The following EXOC4 variants were observed in gnomAD, a reference collection of about 807,000 sequenced individuals.
The protein encoded by EXOC4 is SEC8-like 1.
In EXOC4, 71 loss-of-function variants were observed where a neutral mutation model predicts 107.2. The observed-to-expected ratio is 0.66, with a 90% CI of 0.55 to 0.81. The LOEUF is 0.81. Among genes scored for constraint, EXOC4 ranks in the 30% least tolerant of loss-of-function variants. The pLI, the probability that EXOC4 is intolerant of heterozygous loss-of-function variation, is 0.00. For missense variants in EXOC4, 1,108 were observed against 1,189.6 expected (o/e 0.93, Z 1.01); for synonymous variants, 456 against 441.2 (o/e 1.03, Z -0.42).
intron 10 of EXOC4, among the ~76,000 whole-genome samples, chr7:133,682,084 G>A (rs1794199982): frequency 6.6e-6 from 1 of 152,008 alleles, no homozygotes. Flanking sequence ...TTTTTTAAGA[G>A]ATGGGATCTT....
At chr7:133,402,166 T>G (rs1166856443) in intron 7 of EXOC4, among the ~76,000 whole-genome samples, 2 of 152,174 alleles carry the variant, frequency 1.3e-5, no homozygotes, top group East Asian at 1.9e-4. Context: ...AAGGACAAAC[T>G]GTAGTTATAT....
intron 10 of EXOC4, among the ~76,000 whole-genome samples, chr7:133,653,062 A>C (rs1418311279): frequency 6.6e-6 from 1 of 152,190 alleles, no homozygotes; most frequent in African/African-American, 2.4e-5. Flanking sequence ...GGTAAATAGT[A>C]ACTGAGATTG....
At chr7:133,546,904 G>A (rs190468383) in intron 9 of EXOC4, among the ~76,000 whole-genome samples, 2 of 152,014 alleles carry the variant, frequency 1.3e-5, no homozygotes, top group African/African-American at 2.4e-5. Context: ...GCATAAATTT[G>A]ATATGCATTT....
At chr7:133,434,342 A>C (rs1255955249) in intron 7 of EXOC4, among the ~76,000 whole-genome samples, 1 of 152,204 alleles carries the variant, frequency 6.6e-6, no homozygotes, top group Non-Finnish European at 1.5e-5. Flanking sequence ...CCCATTCTTC[A>C]AAAGAGAATA....
chr7:133,360,787 C>A (rs1796118865), intron 6 of EXOC4, among the ~76,000 whole-genome samples: 2 of 152,104 alleles, frequency 1.3e-5, no homozygotes, highest in African/African-American at 4.8e-5. Flanking sequence ...TAAATTATTA[C>A]TCAGGTTATT....
chr7:133,578,716 T>C (rs1801187053), intron 9 of EXOC4, among the ~76,000 whole-genome samples: 1 of 152,206 alleles, frequency 6.6e-6, no homozygotes, highest in African/African-American at 2.4e-5. Flanking sequence ...TAATGTTCTT[T>C]GCAGTGTTAC....
At chr7:133,599,842 C>T (rs1298340296) in intron 9 of EXOC4, among the ~76,000 whole-genome samples, 1 of 150,756 alleles carries the variant, frequency 6.6e-6, no homozygotes, top group Non-Finnish European at 1.5e-5. Context: ...CAAAATATCA[C>T]ACTACATGTT....
chr7:133,756,254 T>C (rs1462446576), intron 10 of EXOC4, among the ~76,000 whole-genome samples: 2 of 152,188 alleles, frequency 1.3e-5, no homozygotes, highest in Non-Finnish European at 2.9e-5. Context: ...CTGCTTTTTT[T>C]CCCCTAAGTA....
intron 9 of EXOC4, among the ~76,000 whole-genome samples, chr7:133,530,057 C>T (rs1438816612): frequency 1.3e-5 from 2 of 151,978 alleles, no homozygotes; most frequent in African/African-American, 4.8e-5. Flanking sequence ...AATAATATGC[C>T]CAAGGTCACA....
intron 17 of EXOC4, among the ~76,000 whole-genome samples, chr7:134,059,757 T>C (rs796990935): frequency 1.3e-5 from 2 of 152,280 alleles, no homozygotes; most frequent in African/African-American, 4.8e-5. Context: ...GAACACTACA[T>C]GTGGTGGGGG....
At chr7:133,519,197 T>C (rs1799936360) in intron 9 of EXOC4, among the ~76,000 whole-genome samples, 1 of 152,100 alleles carries the variant, frequency 6.6e-6, no homozygotes, top group African/African-American at 2.4e-5. Flanking sequence ...GGTCAATTGC[T>C]TGATTCCAGG....
intron 14 of EXOC4, 34 bp downstream of exon 14, chr7:133,938,103 G>T (rs554407342): frequency 6.2e-7 from 1 of 1,607,088 alleles, no homozygotes; most frequent in South Asian, 1.1e-5. Context: ...TGTGGGGACA[G>T]TTGAGGAACT....
At chr7:133,400,431 T>C (rs1230877531) in intron 7 of EXOC4, among the ~76,000 whole-genome samples, 1 of 152,232 alleles carries the variant, frequency 6.6e-6, no homozygotes, top group Non-Finnish European at 1.5e-5. Flanking sequence ...GGGACAACCA[T>C]GTAATAAGTT....
chr7:133,823,141 A>G (rs1797564996), intron 11 of EXOC4, among the ~76,000 whole-genome samples: 1 of 152,194 alleles, frequency 6.6e-6, no homozygotes. Flanking sequence ...ATTCTGGGCA[A>G]TCTTGAAATG....
chr7:133,509,285 G>A (rs1353926773), intron 9 of EXOC4, among the ~76,000 whole-genome samples: 7 of 151,938 alleles, frequency 4.6e-5, no homozygotes, highest in African/African-American at 1.5e-4. Context: ...AAAATTAGCC[G>A]GGCGTGGTGG....
intron 3 of EXOC4, 126 bp downstream of exon 3, chr7:133,289,242 T>C (rs764786036): frequency 3.6e-5 from 26 of 725,590 alleles, no homozygotes; most frequent in Non-Finnish European, 5.1e-5. Flanking sequence ...CATGAGCCCT[T>C]GAAGGTGAAG....
At chr7:133,329,236 A>G (rs949652245) in intron 5 of EXOC4, among the ~76,000 whole-genome samples, 3 of 152,168 alleles carry the variant, frequency 2.0e-5, no homozygotes, top group African/African-American at 7.2e-5. Flanking sequence ...TGTATGCTTC[A>G]CAAAGTTCTT....
chr7:134,067,500 A>G (rs1436824911), downstream of EXOC4, among the ~76,000 whole-genome samples: 1 of 152,138 alleles, frequency 6.6e-6, no homozygotes, highest in South Asian at 2.1e-4. Flanking sequence ...CCCTTATCAT[A>G]AATATTACTT....
intron 7 of EXOC4, among the ~76,000 whole-genome samples, chr7:133,458,230 A>AG (rs1798508637): frequency 6.6e-6 from 1 of 152,190 alleles, no homozygotes; most frequent in Admixed American, 6.5e-5. Flanking sequence ...TCTGAGATTA[A>AG]GTATTAGAGC....
Sources: gnomAD v4.1 joint callset for allele counts (sites outside exome capture counted in the v4.1 genomes callset) on GRCh38, gnomAD v4.1.1 for gene constraint, MANE v1.5 for transcripts, NCBI Gene and HGNC (gene_info 2026-07-23, HGNC 2026-07-21) for gene names.